The following PEX1 variants were observed in gnomAD, a reference collection of about 807,000 sequenced individuals.
PEX1 encodes peroxisomal ATPase PEX1.
In PEX1, 97 loss-of-function variants were observed where a neutral mutation model predicts 152.5. That is an observed-to-expected ratio of 0.64 (90% CI 0.54 to 0.75). The LOEUF is 0.75. Ranked by LOEUF, PEX1 falls within the 30% of genes least tolerant of loss-of-function variation. PEX1 has a pLI of 0.00. For missense variants in PEX1, 1,357 were observed against 1,516.3 expected (o/e 0.89, Z 1.74); for synonymous variants, 485 against 531.6 (o/e 0.91, Z 1.21).
intron 8 of PEX1, 194 bp downstream of exon 8, chr7:92,510,750 T>C: frequency 2.3e-6 from 1 of 434,302 alleles, no homozygotes; most frequent in Non-Finnish European, 4.2e-6. Flanking sequence ...TTTTTAAATT[T>C]AGGTTAAGTC....
rs761306182 is a variant in PEX1, at chr7:92,528,286, G to A, written c.129+21C>T. 455 of 1,549,990 alleles carry A rather than the reference G, an allele frequency of 2.9e-4. 2 individuals carry two copies. Among genetic ancestry groups the A allele is most frequent in the Middle Eastern group, 1.8e-3 (9 of 5,018 alleles). On this transcript the variant is annotated intron_variant, in intron 1 of 23. Transcript: ENST00000248633. Reference sequence around the variant, plus strand: ...TCCGACCCCAGGCTGAAGATCAGGTGGCTCGGGGCCGGCAGGTTACCTGCA... The same window carrying A: ...TCCGACCCCAGGCTGAAGATCAGGTAGCTCGGGGCCGGCAGGTTACCTGCA...
chr7:92,493,208 C>T (rs927541055), intron 19 of PEX1, 79 bp from the exon 20 acceptor site: 40 of 839,394 alleles, frequency 4.8e-5, no homozygotes, highest in Non-Finnish European at 6.7e-5. Flanking sequence ...TTATGATTTT[C>T]TTCATAAATT....
Position 92,494,390 on chromosome 7 carries a change from T to TA in PEX1, c.2932dup (p.Tyr978LeufsTer7). The TA allele has an allele frequency of 6.2e-7, 1 of 1,613,934 alleles. No individual in the cohort carries two copies. The highest frequency in any genetic ancestry group is 8.5e-7 in the Non-Finnish European group (1 of 1,179,868). On this transcript the variant is annotated frameshift_variant, in exon 19 of 24. Coordinates refer to ENST00000248633, the MANE Select transcript of PEX1 (RefSeq NM_000466.3). LOFTEE classifies it high-confidence loss of function. ...AGGGCGACTAGTAGCAGCCAATACATAAACACCTAGAGGAAAAAAGAACAT... is the reference window on the plus strand; with the variant it reads ...AGGGCGACTAGTAGCAGCCAATACATAAAACACCTAGAGGAAAAAAGAACAT...
At chr7:92,498,146 A>T (rs1474989583) in intron 16 of PEX1, among the ~76,000 whole-genome samples, 1 of 151,914 alleles carries the variant, frequency 6.6e-6, no homozygotes, top group Non-Finnish European at 1.5e-5. Context: ...TTTCTCCGTC[A>T]TTGCCAGTTC....
At chr7:92,525,119 A>G (rs948616241) in intron 1 of PEX1, among the ~76,000 whole-genome samples, 1 of 152,226 alleles carries the variant, frequency 6.6e-6, no homozygotes, top group Non-Finnish European at 1.5e-5. Flanking sequence ...AACTCTGCAG[A>G]CCAATGTTCT....
chr7:92,496,935 ACCACAAGTTCTATG>A (rs1214081492), intron 16 of PEX1, among the ~76,000 whole-genome samples, 158 bp from the exon 17 acceptor site: 8 of 152,224 alleles, frequency 5.3e-5, no homozygotes, highest in South Asian at 2.1e-4. Flanking sequence ...TAAATATCAT[ACCACAAGTTCTATG>A]CTTGATGCTT....
At chr7:92,494,703 G>A in intron 17 of PEX1, 74 bp from the exon 18 acceptor site, 1 of 1,171,644 alleles carries the variant, frequency 8.5e-7, no homozygotes, top group Non-Finnish European at 1.2e-6. Flanking sequence ...ATACATATAT[G>A]AATGTATTTA....
At position 92,487,354 on chromosome 7, in the gene PEX1, T is replaced by C; in HGVS notation, c.*103A>G. Reference sequence around the variant, plus strand: ...TGTGATTTTATAAATTAACCAAATTTGTTAAATTAAGAAGAAATTCATAGA... The same window carrying C: ...TGTGATTTTATAAATTAACCAAATTCGTTAAATTAAGAAGAAATTCATAGA... On this transcript the variant is annotated 3_prime_UTR_variant, in exon 24 of 24. Transcript: ENST00000248633. 1.5e-6 allele frequency: 1 copy of C among 669,138 alleles called. No homozygotes were observed. Among genetic ancestry groups the C allele is most frequent in the Non-Finnish European group, 2.7e-6 (1 of 374,524 alleles). 41.5% of individuals were successfully genotyped at this position (669,138 alleles called of 1,614,324 possible).
intron 6 of PEX1, among the ~76,000 whole-genome samples, chr7:92,513,248 T>C (rs1792562484): frequency 6.6e-6 from 1 of 152,214 alleles, no homozygotes; most frequent in Non-Finnish European, 1.5e-5. Context: ...AACAGATACT[T>C]GTACACCAAT....
rs1790994237 is a variant in PEX1, at chr7:92,487,551, GAA to G, written c.3768-12_3768-11del. 5 of 1,379,636 alleles carry G rather than the reference GAA, an allele frequency of 3.6e-6. No homozygotes were observed. The highest frequency in any genetic ancestry group is 5.1e-6 in the Non-Finnish European group (5 of 972,094). 85.5% of individuals were successfully genotyped at this position (1,379,636 alleles called of 1,614,324 possible). On this transcript the variant is annotated splice_polypyrimidine_tract_variant and intron_variant, in intron 23 of 23. Coordinates refer to ENST00000248633, the MANE Select transcript of PEX1 (RefSeq NM_000466.3). ...TTGAAAGCTTTCATATCTGAAAAAA[GAA>G]AGAGATAATTTAATATGTATAAATA...
intron 10 of PEX1, 187 bp downstream of exon 10, chr7:92,506,807 C>T: frequency 1.7e-6 from 1 of 588,890 alleles, no homozygotes; most frequent in Non-Finnish European, 3.1e-6. Context: ...CGTCATCACT[C>T]CCCCAACACC....
rs772364058 is a variant in PEX1, at chr7:92,499,687, ATAAG to A, written c.2718+13_2718+16del. ...AATTTTACCTAAATAAAAAAAGAAG[ATAAG>A]TAGACAACATACCTTGACACTTATA... On this transcript the variant is annotated intron_variant, in intron 16 of 23. Coordinates refer to ENST00000248633, the MANE Select transcript of PEX1 (RefSeq NM_000466.3). 2.5e-6 allele frequency: 4 copies of A among 1,598,124 alleles called. No homozygotes were observed. In the Admixed American group the frequency reaches 6.7e-5, roughly 27 times the overall value.
intron 10 of PEX1, chr7:92,506,762 C>T (rs1310150281): frequency 7.1e-6 from 4 of 566,170 alleles, no homozygotes; most frequent in Non-Finnish European, 9.4e-6. Context: ...TATCAACTGA[C>T]ACAGAAAAAG....
In PEX1 at chr7:92,504,824, A is replaced by G; in HGVS notation, c.1979T>C (p.Leu660Pro). 6.2e-7 allele frequency: 1 copy of G among 1,614,032 alleles called. No homozygotes were observed. The highest frequency in any genetic ancestry group is 2.2e-5 in the East Asian group (1 of 44,884). Residue 660 changes from leucine to proline, a missense_variant, in exon 12 of 24, where the codon CTG (leucine) becomes CCG (proline). Leu to Pro is a moderately conservative substitution (Grantham distance 98). Transcript: ENST00000248633. ...AGCAATGAGGTCAAGGTCATCCAGCAGGACAACAGATGGCTGCATCCACAC... is the reference window on the plus strand; with the variant it reads ...AGCAATGAGGTCAAGGTCATCCAGCGGGACAACAGATGGCTGCATCCACAC... ...EAVWMQPSVV[L>P]LDDLDLIAGL...
At position 92,518,017 on chromosome 7, in the gene PEX1, A is replaced by G. The variant is rs1427788462; in HGVS notation, c.498T>C (p.Tyr166=). The change falls in exon 5 of 24, where the codon TAT becomes TAC. Residue 166 remains tyrosine, a synonymous_variant. Transcript: ENST00000248633. ...QIVALIPAAS[Y]GRLETDTKLL... Reference sequence around the variant, plus strand: ...GTTTGGTGTCAGTTTCCAGCCTTCCATAAGAGGCAGCTGGTATTAGTGCAA... The same window carrying G: ...GTTTGGTGTCAGTTTCCAGCCTTCCGTAAGAGGCAGCTGGTATTAGTGCAA... 6.2e-6 allele frequency: 10 copies of G among 1,613,994 alleles called. No individual in the cohort carries two copies. Among genetic ancestry groups the G allele is most frequent in the African/African-American group, 2.7e-5 (2 of 74,932 alleles).
Position 92,487,176 on chromosome 7 carries a change from A to G in PEX1, c.*281T>C, listed in dbSNP as rs1363685083. On this transcript the variant is annotated 3_prime_UTR_variant, in exon 24 of 24. Coordinates refer to ENST00000248633, the MANE Select transcript of PEX1 (RefSeq NM_000466.3). ...CTTTATTATCTTTTCCTCAAAAGAA[A>G]TAAATTAGTTCCACCATTTGGCTAA... The G allele has an allele frequency of 4.7e-6, 1 of 211,722 alleles. No homozygotes were observed. Among genetic ancestry groups the G allele is most frequent in the African/African-American group, 2.3e-5 (1 of 43,726 alleles). 13.1% of individuals were successfully genotyped at this position (211,722 alleles called of 1,614,324 possible).
At position 92,528,130 on chromosome 7, in the gene PEX1, G is replaced by A. The variant is rs546634748; in HGVS notation, c.129+177C>T. On this transcript the variant is annotated intron_variant, in intron 1 of 23. Coordinates refer to ENST00000248633, the MANE Select transcript of PEX1 (RefSeq NM_000466.3). ...CCTGGGATAAGACGAGCCCAGGGCTGCACTGGACTTGTGGGATCCAGAGAC... is the reference window on the plus strand; with the variant it reads ...CCTGGGATAAGACGAGCCCAGGGCTACACTGGACTTGTGGGATCCAGAGAC... Among the ~76,000 whole-genome samples the A allele has an allele frequency of 3.9e-5, 6 of 152,378 alleles. No individual in the cohort carries two copies. In the South Asian group the frequency reaches 1.2e-3, roughly 32 times the overall value.
In PEX1 at chr7:92,494,249, T is replaced by C. The variant is rs765585659; in HGVS notation, c.3030+44A>G. The C allele has an allele frequency of 3.0e-6, 4 of 1,338,704 alleles. No homozygotes were observed. The South Asian group carries it at 3.6e-5, about 12-fold the overall frequency. 82.9% of individuals were successfully genotyped at this position (1,338,704 alleles called of 1,614,324 possible). On this transcript the variant is annotated intron_variant, in intron 19 of 23. Transcript: ENST00000248633. ...AGAAGTAAAGCTCACAAGGAAAGAGTGTAGCATTTGTTGGGTTTTGGACTC... is the reference window on the plus strand; with the variant it reads ...AGAAGTAAAGCTCACAAGGAAAGAGCGTAGCATTTGTTGGGTTTTGGACTC...
At chr7:92,490,040 T>A (rs1169367943) in intron 21 of PEX1, 129 bp from the exon 22 acceptor site, 2 of 761,380 alleles carry the variant, frequency 2.6e-6, no homozygotes, top group East Asian at 5.3e-5. Context: ...TACATGTTAA[T>A]TAACTGAAAT....
Sources: gnomAD v4.1 joint callset for allele counts (sites outside exome capture counted in the v4.1 genomes callset) on GRCh38, gnomAD v4.1.1 for gene constraint, MANE v1.5 for transcripts, NCBI Gene and HGNC (gene_info 2026-07-23, HGNC 2026-07-21) for gene names.